The following CNN2 variants were observed in gnomAD, a reference collection of about 807,000 sequenced individuals.
CNN2 encodes the protein calponin-2.
In CNN2, 21 loss-of-function variants were observed where a neutral mutation model predicts 31.0. That is an observed-to-expected ratio of 0.68 (90% confidence interval 0.48 to 0.98). The LOEUF (loss-of-function observed/expected upper bound fraction) is 0.98, where lower values mean the gene tolerates loss of function less well. Among genes scored for constraint, CNN2 ranks in the 50% least tolerant of loss-of-function variants. CNN2 has a pLI of 0.00. For missense variants in CNN2, 399 were observed against 427.3 expected (o/e 0.93, Z 0.58); for synonymous variants, 165 against 179.6 (o/e 0.92, Z 0.65).
intron 1 of CNN2, among the ~76,000 whole-genome samples, chr19:1,030,588 T>C (rs574735626): frequency 9.9e-5 from 15 of 151,948 alleles, no homozygotes; most frequent in Non-Finnish European, 1.2e-4. Context: ...ATCGCACCAC[T>C]GCACTCCAGC....
chr19:1,031,303 C>G, intron 2 of CNN2, 111 bp downstream of exon 2: 3 of 683,952 alleles, frequency 4.4e-6, no homozygotes, highest in South Asian at 6.6e-5. Context: ...CTGGCTCATG[C>G]CTGTAATCCC....
At chr19:1,031,557 T>C (rs1413925248) in intron 2 of CNN2, among the ~76,000 whole-genome samples, 1 of 62,260 alleles carries the variant, frequency 1.6e-5, no homozygotes, top group African/African-American at 7.0e-5. Context: ...ACAGCGAGAC[T>C]CCATCTCAAA....
Position 1,036,517 on chromosome 19 carries a change from C to G in CNN2, c.609C>G (p.His203Gln). The G allele has an allele frequency of 6.2e-7, 1 of 1,613,726 alleles. No individual in the cohort carries two copies. Among genetic ancestry groups the G allele is most frequent in the Non-Finnish European group, 8.5e-7 (1 of 1,179,736 alleles). ...PKNHILPPMD[H>Q]STISLQMGTN... ...ACCATATCCTGCCCCCCATGGACCA[C>G]TCGACCATCAGCCTCCAGATGGGCA... The change falls in exon 6 of 7, where the codon CAC (histidine) becomes CAG (glutamine). Residue 203 changes from histidine to glutamine, a missense_variant. Transcript: ENST00000263097.
chr19:1,032,196 T>G (rs1256544792), intron 2 of CNN2, among the ~76,000 whole-genome samples, 196 bp from the exon 3 acceptor site: 1 of 149,194 alleles, frequency 6.7e-6, no homozygotes, highest in East Asian at 2.0e-4. Flanking sequence ...GATAGTGCCA[T>G]TGCACTCTAG....
chr19:1,037,506 A>C, intron 6 of CNN2, 119 bp from the exon 7 acceptor site: 1 of 1,271,218 alleles, frequency 7.9e-7, no homozygotes, highest in Middle Eastern at 2.8e-4. Context: ...TCCTGACCTC[A>C]GGTGATCCTC....
In CNN2 at chr19:1,036,542, A is replaced by G. The variant is rs746716186; in HGVS notation, c.634A>G (p.Thr212Ala). 1.9e-6 allele frequency: 3 copies of G among 1,613,584 alleles called. No homozygotes were observed. The highest frequency in any genetic ancestry group is 2.5e-6 in the Non-Finnish European group (3 of 1,179,692). The change falls in exon 6 of 7, where the codon ACG becomes GCG. Residue 212 changes from threonine to alanine, a missense_variant. By Grantham distance (58) the Thr-to-Ala change is moderately conservative. Transcript: ENST00000263097. The stretch of plus-strand genomic sequence containing the variant: ...CTCGACCATCAGCCTCCAGATGGGC[A>G]CGAACAAGTGTGCCAGCCAGGTGGG... ...DHSTISLQMG[T>A]NKCASQVGMT... is the part of the protein sequence containing the mutation.
At chr19:1,036,850 AT>A in intron 6 of CNN2, 1 of 483,936 alleles carries the variant, frequency 2.1e-6, no homozygotes, top group South Asian at 2.1e-5. Context: ...ATCTTTATTT[AT>A]TTTATTTATG....
In CNN2 at chr19:1,038,210, C is replaced by G. The variant is rs373378279; in HGVS notation, c.*310C>G. ...ACCTGGGCTTGGAAGGAACCGGTCCCCGACGGTTTCTGCTTGCCTCGCCTC... is the reference window on the plus strand; with the variant it reads ...ACCTGGGCTTGGAAGGAACCGGTCCGCGACGGTTTCTGCTTGCCTCGCCTC... On this transcript the variant is annotated 3_prime_UTR_variant, in exon 7 of 7. Coordinates refer to ENST00000263097, the MANE Select transcript of CNN2 (RefSeq NM_004368.4). The G allele has an allele frequency of 6.1e-6, 2 of 330,482 alleles. No individual in the cohort carries two copies. The highest frequency in any genetic ancestry group is 4.2e-5 in the African/African-American group (2 of 47,130). The allele number at this position is 330,482 out of a possible 1,614,324, so 20.5% of individuals were successfully genotyped here. A position where few individuals can be genotyped will look rare whatever the true frequency, so the allele number is the denominator to read the frequency against.
At position 1,038,760 on chromosome 19, in the gene CNN2, T is replaced by TG. The variant is rs2039673353; in HGVS notation, c.*864dup. The TG allele has an allele frequency of 1.3e-5, 2 of 152,238 alleles. No homozygotes were observed. The highest frequency in any genetic ancestry group is 4.8e-5 in the African/African-American group (2 of 41,406). 9.4% of individuals were successfully genotyped at this position (152,238 alleles called of 1,614,324 possible). ...CTAATTTTTGTATTTTTAGTAGAGATGGGGTTTCCCCATGTTGGCCAGGCT... is the reference window on the plus strand; with the variant it reads ...CTAATTTTTGTATTTTTAGTAGAGATGGGGGTTTCCCCATGTTGGCCAGGCT... On this transcript the variant is annotated 3_prime_UTR_variant, in exon 7 of 7. Coordinates refer to ENST00000263097, the MANE Select transcript of CNN2 (RefSeq NM_004368.4).
intron 1 of CNN2, among the ~76,000 whole-genome samples, chr19:1,030,396 A>G (rs1012174036): frequency 1.3e-5 from 2 of 152,124 alleles, no homozygotes; most frequent in East Asian, 1.9e-4. Context: ...GAGGGCTGAG[A>G]CGGGCAGATC....
rs1236920281 is a variant in CNN2, at chr19:1,032,548, C to T, written c.253-11C>T. 6.2e-7 allele frequency: 1 copy of T among 1,613,402 alleles called. No homozygotes were observed. Among genetic ancestry groups the T allele is most frequent in the African/African-American group, 1.3e-5 (1 of 75,040 alleles). ...AGGCCCACTCACTGTCCCTCTCCTG[C>T]CTCTTCCCAGCTAGAAAACCTGTCC... On this transcript the variant is annotated splice_polypyrimidine_tract_variant and intron_variant, in intron 3 of 6. Coordinates refer to ENST00000263097, the MANE Select transcript of CNN2 (RefSeq NM_004368.4).
At chr19:1,031,301 T>A in intron 2 of CNN2, 109 bp downstream of exon 2, 1 of 581,024 alleles carries the variant, frequency 1.7e-6, no homozygotes, top group Non-Finnish European at 2.3e-6. Flanking sequence ...GCCTGGCTCA[T>A]GCCTGTAATC....
At chr19:1,030,883 C>A in intron 1 of CNN2, 188 bp from the exon 2 acceptor site, 1 of 665,700 alleles carries the variant, frequency 1.5e-6, no homozygotes, top group Non-Finnish European at 2.5e-6. Context: ...TGCCCGCCTG[C>A]AGTGGCTGGG....
chr19:1,030,881 T>A, intron 1 of CNN2, 190 bp from the exon 2 acceptor site: 1 of 655,924 alleles, frequency 1.5e-6, no homozygotes, highest in South Asian at 2.0e-5. Context: ...TGTGCCCGCC[T>A]GCAGTGGCTG....
intron 2 of CNN2, 108 bp from the exon 3 acceptor site, chr19:1,032,284 A>T: frequency 2.4e-6 from 3 of 1,258,862 alleles, no homozygotes; most frequent in Non-Finnish European, 3.4e-6. Flanking sequence ...AGAGGCCGTG[A>T]GTTTGCCCAG....
Position 1,035,991 on chromosome 19 carries a change from G to A in CNN2, c.391-139G>A, listed in dbSNP as rs981511005. 1.9e-4 allele frequency: 255 copies of A among 1,349,866 alleles called. 1 individual carries two copies. Among genetic ancestry groups the A allele is most frequent in the Non-Finnish European group, 2.3e-4 (238 of 1,018,214 alleles). The allele number at this position is 1,349,866 out of a possible 1,614,324, so 83.6% of individuals were successfully genotyped here. On this transcript the variant is annotated intron_variant, in intron 4 of 6. Transcript: ENST00000263097. Reference sequence around the variant, plus strand: ...GGAGTGTGTGGAGTCCCAGACACCCGAGAGATGTGCCTGTGGGGGCTCTGC... The same window carrying A: ...GGAGTGTGTGGAGTCCCAGACACCCAAGAGATGTGCCTGTGGGGGCTCTGC...
chr19:1,038,102 G>T lies in CNN2; in HGVS notation c.*202G>T. ...TCGCAAGGCTGAGCCACTGGGCTGT[G>T]GGGGAAGGGGTCAAGGCCATATCCC... On this transcript the variant is annotated 3_prime_UTR_variant, in exon 7 of 7. Coordinates refer to ENST00000263097, the MANE Select transcript of CNN2 (RefSeq NM_004368.4). 1.7e-6 allele frequency: 1 copy of T among 583,296 alleles called. No individual in the cohort carries two copies. Among genetic ancestry groups the T allele is most frequent in the Non-Finnish European group, 3.0e-6 (1 of 338,666 alleles). The allele number at this position is 583,296 out of a possible 1,614,324, so 36.1% of individuals were successfully genotyped here.
chr19:1,032,400 A>G lies in CNN2; in HGVS notation c.194A>G (p.Asn65Ser). Residue 65 changes from asparagine (N) to serine (S), a missense_variant, in exon 3 of 7, where the codon AAC becomes AGC. Physicochemically the swap from Asn to Ser is conservative, Grantham distance 46. Transcript: ENST00000263097. ...CATGTTGTGCCCTCCAGACTCATGA[A>G]CAAGCTACAGCCGGGCTCCGTCCCC... ...KDGTILCTLM[N>S]KLQPGSVPKI... 2 of 1,613,564 alleles carry G rather than the reference A, an allele frequency of 1.2e-6. No homozygotes were observed. Among genetic ancestry groups the G allele is most frequent in the Admixed American group, 1.7e-5 (1 of 60,014 alleles).
chr19:1,030,680 G>A (rs1419105675), intron 1 of CNN2, among the ~76,000 whole-genome samples: 3 of 152,158 alleles, frequency 2.0e-5, no homozygotes, highest in East Asian at 1.9e-4. Flanking sequence ...GCAGACGTAC[G>A]AAATGCTGTG....
Sources: gnomAD v4.1 joint callset for allele counts (sites outside exome capture counted in the v4.1 genomes callset) on GRCh38, gnomAD v4.1.1 for gene constraint, MANE v1.5 for transcripts, NCBI Gene and HGNC (gene_info 2026-07-23, HGNC 2026-07-21) for gene names.